POT1: variants seen among roughly 807,000 people sequenced by gnomAD.
The protein encoded by POT1 is protection of telomeres 1.
POT1 carries 47 observed loss-of-function variants against 78.5 expected under a neutral mutation model. That is an observed-to-expected ratio of 0.60 (90% CI 0.47 to 0.76). POT1 has a LOEUF of 0.76. Ranked by LOEUF, POT1 falls within the 30% of genes least tolerant of loss-of-function variation. The pLI is 0.00. For synonymous variants in POT1, 259 were observed against 260.7 expected, an observed-to-expected ratio of 0.99 and a Z score of 0.06; for missense variants, 646 against 749.9, an observed-to-expected ratio of 0.86 and a Z score of 1.62.
Position 124,859,036 on chromosome 7 carries a change from C to T in POT1, c.623G>A (p.Ser208Asn), listed in dbSNP as rs776459318. Residue 208 changes from serine (S) to asparagine (N), a missense_variant, in exon 9 of 19, where the codon AGT becomes AAT. By Grantham distance (46) the Ser-to-Asn change is conservative. This residue lies in a region of POT1 where 252 missense variants were observed against 341.4 expected (regional missense o/e 0.74). Coordinates refer to ENST00000357628, the MANE Select transcript of POT1 (RefSeq NM_015450.3). ...CAGATTTTGTAGCCGATGGATGTGA[C>T]TTAAATCACCTTCAAGAACAAGGTC... Reference protein sequence around the residue: ...IQDLVLEGDLSHIHRLQNLTI... With the variant: ...IQDLVLEGDLNHIHRLQNLTI... The T allele has an allele frequency of 1.8e-5, 29 of 1,610,660 alleles. No individual in the cohort carries two copies. Among genetic ancestry groups the T allele is most frequent in the East Asian group, 4.5e-5 (2 of 44,758 alleles).
At chr7:124,870,868 T>C in intron 7 of POT1, 43 bp downstream of exon 7, 1 of 1,481,582 alleles carries the variant, frequency 6.7e-7, no homozygotes, top group South Asian at 1.5e-5. Flanking sequence ...CAATACAGAG[T>C]TCTCTTCAAA....
At chr7:124,873,954 G>A (rs542692973) in intron 6 of POT1, among the ~76,000 whole-genome samples, 1 of 152,106 alleles carries the variant, frequency 6.6e-6, no homozygotes, top group South Asian at 2.1e-4. Context: ...TGGGATTAAG[G>A]GTGAGAGTAA....
chr7:124,832,229 G>A (rs994637902), intron 15 of POT1, among the ~76,000 whole-genome samples: 1 of 141,182 alleles, frequency 7.1e-6, no homozygotes, highest in Admixed American at 7.2e-5. Flanking sequence ...ACTTCAGCCT[G>A]GGTATCAGAA....
chr7:124,873,229 G>A (rs66492217), intron 6 of POT1, among the ~76,000 whole-genome samples: 30,376 of 152,094 alleles, frequency 0.2, 3,766 homozygotes, highest in East Asian at 0.3. Flanking sequence ...AATCTTTGGT[G>A]AGATCAATGT....
At chr7:124,908,751 C>T (rs1222615453) in intron 3 of POT1, among the ~76,000 whole-genome samples, 1 of 151,794 alleles carries the variant, frequency 6.6e-6, no homozygotes, top group African/African-American at 2.4e-5. Flanking sequence ...TCATAGAATA[C>T]AAAAACATTT....
intron 3 of POT1, among the ~76,000 whole-genome samples, chr7:124,908,357 A>G (rs1360969584): frequency 1.3e-5 from 2 of 151,982 alleles, no homozygotes; most frequent in East Asian, 3.9e-4. Context: ...ATGTATGTGA[A>G]TAATATTAGC....
At chr7:124,850,663 G>A (rs924052230) in intron 11 of POT1, among the ~76,000 whole-genome samples, 3 of 151,606 alleles carry the variant, frequency 2.0e-5, no homozygotes, top group African/African-American at 4.8e-5. Context: ...CCCGGGAGGC[G>A]GAGCTTGCAG....
In POT1 at chr7:124,854,633, T is replaced by C. The variant is rs541495597; in HGVS notation, c.703-1495A>G. 3.9e-5 allele frequency among the ~76,000 whole-genome samples: 6 copies of C among 152,020 alleles called. No homozygotes were observed. The East Asian group carries it at 9.7e-4, about 24-fold the overall frequency. On this transcript the variant is annotated intron_variant, in intron 9 of 18. Coordinates refer to ENST00000357628, the MANE Select transcript of POT1 (RefSeq NM_015450.3). ...TTTTCCCAACCAATCAAGGGTTTTA[T>C]AAGGAGCAGACAAAATACAAGCCTT...
chr7:124,888,420 T>C (rs995872990), intron 6 of POT1, among the ~76,000 whole-genome samples: 6 of 152,070 alleles, frequency 3.9e-5, no homozygotes, highest in African/African-American at 1.4e-4. Flanking sequence ...GTTTGATCTT[T>C]CTCAGGATTC....
At position 124,863,427 on chromosome 7, in the gene POT1, G is replaced by C; in HGVS notation, c.469C>G (p.Gln157Glu). 1 of 1,613,926 alleles carries C rather than the reference G, an allele frequency of 6.2e-7. No individual in the cohort carries two copies. The highest frequency in any genetic ancestry group is 8.5e-7 in the Non-Finnish European group (1 of 1,179,842). The change falls in exon 8 of 19, where the codon CAG (glutamine) becomes GAG (glutamate). Residue 157 changes from glutamine to glutamate, a missense_variant. This residue lies in a region of POT1 where 252 missense variants were observed against 341.4 expected (regional missense o/e 0.74). Transcript: ENST00000357628. Reference protein sequence around the residue: ...SWTLLKLCDVQPMQYFDLTCQ... With the variant: ...SWTLLKLCDVEPMQYFDLTCQ... ...GTCAGGTCAAAATACTGCATTGGCT[G>C]AACATCACACAATTTTAGTAATGTC...
chr7:124,863,824 C>T (rs759570877), intron 7 of POT1, among the ~76,000 whole-genome samples, 184 bp from the exon 8 acceptor site: 10 of 152,064 alleles, frequency 6.6e-5, no homozygotes, highest in Non-Finnish European at 1.5e-4. Context: ...TGGTGCTACA[C>T]CAAGATACAG....
At chr7:124,863,919 A>C (rs569812743) in intron 7 of POT1, among the ~76,000 whole-genome samples, 1 of 152,252 alleles carries the variant, frequency 6.6e-6, no homozygotes, top group South Asian at 2.1e-4. Context: ...AATCCTATCA[A>C]GCTTGCAGTT....
At chr7:124,833,362 G>C (rs1794816159) in intron 15 of POT1, among the ~76,000 whole-genome samples, 1 of 152,106 alleles carries the variant, frequency 6.6e-6, no homozygotes, top group Admixed American at 6.5e-5. Flanking sequence ...TTTCAATCAG[G>C]ATTTACACAT....
chr7:124,886,515 C>G (rs1796247112), intron 6 of POT1, among the ~76,000 whole-genome samples: 1 of 152,018 alleles, frequency 6.6e-6, no homozygotes, highest in African/African-American at 2.4e-5. Context: ...ACTTTATTGT[C>G]TGGCTAGTAG....
chr7:124,906,372 A>G (rs1457520152), intron 3 of POT1, among the ~76,000 whole-genome samples: 1 of 151,794 alleles, frequency 6.6e-6, no homozygotes, highest in Non-Finnish European at 1.5e-5. Flanking sequence ...CATCATTCTG[A>G]GGAAACTATT....
intron 3 of POT1, among the ~76,000 whole-genome samples, chr7:124,910,159 G>A (rs1333966140): frequency 4.6e-5 from 7 of 151,866 alleles, no homozygotes; most frequent in African/African-American, 1.7e-4. Flanking sequence ...AATGGGACTA[G>A]GAAATGGCAA....
chr7:124,879,703 TA>T (rs1196871309), intron 6 of POT1, among the ~76,000 whole-genome samples: 4 of 152,268 alleles, frequency 2.6e-5, no homozygotes, highest in African/African-American at 9.6e-5. Context: ...GAAATTAGGA[TA>T]ATGTAGTGTT....
At chr7:124,916,577 A>C (rs2116699999) in intron 2 of POT1, among the ~76,000 whole-genome samples, 1 of 152,304 alleles carries the variant, frequency 6.6e-6, no homozygotes, top group African/African-American at 2.4e-5. Flanking sequence ...AAGTTAAAGA[A>C]AAGTGAAAGA....
At chr7:124,883,366 T>C (rs1320808046) in intron 6 of POT1, among the ~76,000 whole-genome samples, 1 of 152,106 alleles carries the variant, frequency 6.6e-6, no homozygotes, top group Non-Finnish European at 1.5e-5. Flanking sequence ...TTATAGTAAT[T>C]GTATTGTAAT....
Sources: allele counts gnomAD v4.1 joint callset (sites outside exome capture counted in the v4.1 genomes callset), GRCh38; gene constraint gnomAD v4.1.1; regional missense constraint gnomAD v4.1.1; transcripts MANE v1.5; gene names NCBI Gene and HGNC (gene_info 2026-07-23, HGNC 2026-07-21).